The following ST6GALNAC3 variants were observed in gnomAD, a reference collection of about 807,000 sequenced individuals.
The protein encoded by ST6GALNAC3 is alpha-N-acetylgalactosaminide alpha-2,6-sialyltransferase 3.
A neutral mutation model predicts 32.7 loss-of-function variants in ST6GALNAC3; 25 were observed. The ratio of observed to expected loss-of-function variants is 0.76; its 90% CI spans 0.56 to 1.07. The LOEUF (loss-of-function observed/expected upper bound fraction) is 1.07. ST6GALNAC3 is among the 50% of genes least tolerant of loss of function. ST6GALNAC3 has a pLI of 0.00. For missense variants in ST6GALNAC3, 355 were observed against 382.4 expected (o/e 0.93, Z 0.60); for synonymous variants, 129 against 133.1 (o/e 0.97, Z 0.21).
chr1:76,442,134 T>C (rs1234978003), intron 3 of ST6GALNAC3, among the ~76,000 whole-genome samples: 1 of 152,224 alleles, frequency 6.6e-6, no homozygotes, highest in Non-Finnish European at 1.5e-5. Flanking sequence ...TTTATCTCAG[T>C]TGCAGTTTCC....
At chr1:76,314,694 A>G (rs1270222341) in intron 2 of ST6GALNAC3, among the ~76,000 whole-genome samples, 7 of 152,198 alleles carry the variant, frequency 4.6e-5, no homozygotes, top group Admixed American at 4.6e-4. Context: ...TGTGATGTAT[A>G]TAGAAGTGCT....
chr1:76,191,187 A>G (rs1653873844), intron 1 of ST6GALNAC3, among the ~76,000 whole-genome samples: 1 of 152,212 alleles, frequency 6.6e-6, no homozygotes. Context: ...TTTGTCTTAA[A>G]AAAATTTAGA....
chr1:76,385,460 C>A (rs1187963506), intron 2 of ST6GALNAC3, among the ~76,000 whole-genome samples: 1 of 152,054 alleles, frequency 6.6e-6, no homozygotes, highest in Non-Finnish European at 1.5e-5. Context: ...AACATTTGGG[C>A]AAGTCACTTA....
At chr1:76,498,848 G>A (rs1477416613) in intron 3 of ST6GALNAC3, among the ~76,000 whole-genome samples, 1 of 151,968 alleles carries the variant, frequency 6.6e-6, no homozygotes, top group African/African-American at 2.4e-5. Context: ...GCTTTTCTGT[G>A]TTCTGAGTTG....
Position 76,162,922 on chromosome 1 carries a change from C to G in ST6GALNAC3, c.18+88038C>G, listed in dbSNP as rs533390036. On this transcript the variant is annotated intron_variant, in intron 1 of 4. Coordinates refer to ENST00000328299, the MANE Select transcript of ST6GALNAC3 (RefSeq NM_152996.4). ...GGCCCAGAGCTGGGGAAAGACTGTC[C>G]AAGGCAGGGGAATAGCATGTGTGTG... Among the ~76,000 whole-genome samples the G allele has an allele frequency of 1.6e-4, 24 of 152,178 alleles. 1 individual carries two copies. The highest frequency in any genetic ancestry group is 5.5e-4 in the African/African-American group (23 of 41,526).
At chr1:76,620,444 G>A (rs556522882) in intron 3 of ST6GALNAC3, among the ~76,000 whole-genome samples, 1 of 152,148 alleles carries the variant, frequency 6.6e-6, no homozygotes, top group African/African-American at 2.4e-5. Flanking sequence ...ATATCACATA[G>A]CTTAAACAGC....
intron 1 of ST6GALNAC3, among the ~76,000 whole-genome samples, chr1:76,252,125 G>C (rs2100700000): frequency 6.6e-6 from 1 of 152,238 alleles, no homozygotes; most frequent in East Asian, 1.9e-4. Context: ...TAGTGATGCA[G>C]AATTGCTGAT....
At chr1:76,323,865 A>AT (rs573131969) in intron 2 of ST6GALNAC3, among the ~76,000 whole-genome samples, 3,161 of 148,628 alleles carry the variant, frequency 0.021, 32 homozygotes, top group African/African-American at 0.025. Context: ...TATTACTAGA[A>AT]TTTTTTTTTT....
chr1:76,622,056 C>A (rs1014614863), intron 3 of ST6GALNAC3, among the ~76,000 whole-genome samples: 2 of 151,982 alleles, frequency 1.3e-5, no homozygotes, highest in Non-Finnish European at 2.9e-5. Context: ...ACCCTTCAGG[C>A]TTTGATAAAT....
intron 1 of ST6GALNAC3, among the ~76,000 whole-genome samples, chr1:76,291,610 T>C (rs1332473637): frequency 6.6e-6 from 1 of 152,226 alleles, no homozygotes; most frequent in Non-Finnish European, 1.5e-5. Context: ...CGAAACAAAA[T>C]AAGTAGTAGC....
chr1:76,456,683 G>A (rs1328579993), intron 3 of ST6GALNAC3, among the ~76,000 whole-genome samples: 1 of 152,058 alleles, frequency 6.6e-6, no homozygotes, highest in East Asian at 1.9e-4. Context: ...CAATAAATTA[G>A]GTATTGATGA....
Position 76,630,665 on chromosome 1 carries a change from G to A in ST6GALNAC3, c.*1859G>A. 1 of 985,534 alleles carries A rather than the reference G, an allele frequency of 1.0e-6. No individual in the cohort carries two copies. The highest frequency in any genetic ancestry group is 1.2e-6 in the Non-Finnish European group (1 of 829,804). 61.0% of individuals were successfully genotyped at this position (985,534 alleles called of 1,614,324 possible). A position where few individuals can be genotyped will look rare whatever the true frequency, so the allele number is the denominator to read the frequency against. On this transcript the variant is annotated 3_prime_UTR_variant, in exon 5 of 5. Coordinates refer to ENST00000328299, the MANE Select transcript of ST6GALNAC3 (RefSeq NM_152996.4). ...AGCTATCATTAAAGTGTGCCATCTT[G>A]GATAAAGGCCTTTTGCCTACTCTCT...
intron 1 of ST6GALNAC3, among the ~76,000 whole-genome samples, chr1:76,271,903 T>C (rs1000310287): frequency 2.6e-5 from 4 of 152,140 alleles, no homozygotes; most frequent in Non-Finnish European, 5.9e-5. Flanking sequence ...AACTGGACCT[T>C]TTAATAAAGC....
intron 3 of ST6GALNAC3, among the ~76,000 whole-genome samples, chr1:76,603,741 C>T (rs1258030723): frequency 6.6e-6 from 1 of 152,188 alleles, no homozygotes; most frequent in Non-Finnish European, 1.5e-5. Context: ...GGCACAATCA[C>T]AGCTCACTAC....
chr1:76,229,347 A>C (rs1269738671), intron 1 of ST6GALNAC3, among the ~76,000 whole-genome samples: 1 of 152,174 alleles, frequency 6.6e-6, no homozygotes, highest in Non-Finnish European at 1.5e-5. Context: ...AGACAGCCAA[A>C]TAACACACCC....
At chr1:76,310,015 G>T in intron 1 of ST6GALNAC3, 1 of 493,966 alleles carries the variant, frequency 2.0e-6, no homozygotes, top group Non-Finnish European at 4.1e-6. Flanking sequence ...AGTGGATTCA[G>T]AAAGGCTATC....
chr1:76,608,704 C>G (rs567481956), intron 3 of ST6GALNAC3, among the ~76,000 whole-genome samples: 1 of 149,644 alleles, frequency 6.7e-6, no homozygotes, highest in African/African-American at 2.4e-5. Flanking sequence ...TTTAAAAGAG[C>G]AATTTTTATA....
chr1:76,428,828 A>G (rs1014478144), intron 3 of ST6GALNAC3, among the ~76,000 whole-genome samples: 3 of 152,142 alleles, frequency 2.0e-5, no homozygotes, highest in African/African-American at 7.2e-5. Flanking sequence ...AAGTTTAACA[A>G]CATTTCTGCA....
At chr1:76,296,384 T>C (rs1037344408) in intron 1 of ST6GALNAC3, among the ~76,000 whole-genome samples, 2 of 152,120 alleles carry the variant, frequency 1.3e-5, no homozygotes, top group African/African-American at 4.8e-5. Flanking sequence ...GAAATTCAGT[T>C]GTTCTCTTTT....
Sources: gnomAD v4.1 joint callset for allele counts (sites outside exome capture counted in the v4.1 genomes callset) on GRCh38, gnomAD v4.1.1 for gene constraint, MANE v1.5 for transcripts, NCBI Gene and HGNC (gene_info 2026-07-23, HGNC 2026-07-21) for gene names.